Variants in TMEM117 observed in about 807,000 individuals in gnomAD.
The protein encoded by TMEM117 is transmembrane protein 117.
TMEM117 carries 27 observed loss-of-function variants against 52.4 expected under a neutral mutation model. That is an observed-to-expected ratio of 0.51 (90% CI 0.38 to 0.71). TMEM117 has a LOEUF of 0.71. TMEM117 is among the 30% of genes least tolerant of loss of function. The pLI, the probability that TMEM117 is intolerant of heterozygous loss-of-function variation, is 0.00. For synonymous variants in TMEM117, 215 were observed against 206.3 expected (o/e 1.04, Z -0.36); for missense variants, 556 against 630.5 (o/e 0.88, Z 1.26).
At chr12:43,878,049 T>A (rs1359785206) in intron 2 of TMEM117, among the ~76,000 whole-genome samples, 3 of 105,822 alleles carry the variant, frequency 2.8e-5, no homozygotes, top group African/African-American at 8.1e-5. Flanking sequence ...TAGGATTGTT[T>A]CACGTTTTAC....
upstream of TMEM117, among the ~76,000 whole-genome samples, chr12:43,831,550 T>C (rs1942982592): frequency 6.6e-6 from 1 of 151,730 alleles, no homozygotes; most frequent in African/African-American, 2.4e-5. Flanking sequence ...CTTCTGATTT[T>C]TTTTTTTTTT....
chr12:44,255,363 CA>C (rs1403780624), intron 5 of TMEM117, among the ~76,000 whole-genome samples: 1 of 151,736 alleles, frequency 6.6e-6, no homozygotes, highest in African/African-American at 2.4e-5. Context: ...TTTATGCAGC[CA>C]AAAAACACAT....
intron 4 of TMEM117, among the ~76,000 whole-genome samples, chr12:44,146,994 C>T (rs769581367): frequency 6.6e-6 from 1 of 152,174 alleles, no homozygotes; most frequent in Non-Finnish European, 1.5e-5. Context: ...TACAGAGCTT[C>T]AAGCTCTGCT....
chr12:44,283,231 G>A (rs892655144), intron 5 of TMEM117, among the ~76,000 whole-genome samples: 1 of 152,182 alleles, frequency 6.6e-6, no homozygotes, highest in Non-Finnish European at 1.5e-5. Context: ...CCCTACTGGG[G>A]CACTGCCTTG....
At chr12:44,243,117 G>C (rs1013665759) in intron 5 of TMEM117, among the ~76,000 whole-genome samples, 2 of 151,842 alleles carry the variant, frequency 1.3e-5, no homozygotes, top group Non-Finnish European at 2.9e-5. Flanking sequence ...TTTTTCTCTT[G>C]TAAATTTGTT....
intron 5 of TMEM117, among the ~76,000 whole-genome samples, chr12:44,274,800 A>T (rs1357601865): frequency 6.6e-6 from 1 of 152,140 alleles, no homozygotes; most frequent in Non-Finnish European, 1.5e-5. Context: ...TTAAAATCAT[A>T]TCAAAATGGA....
rs1414454568 is a variant in TMEM117 at position 44,111,745 on chromosome 12, C to G, written c.411-31780C>G. Among the ~76,000 whole-genome samples, 6 of 142,682 alleles carry G rather than the reference C, an allele frequency of 4.2e-5. 1 individual carries two copies. The highest frequency in any genetic ancestry group is 3.4e-4 in the Admixed American group (5 of 14,812). The allele number at this position is 142,682 out of a possible 152,430, so 93.6% of individuals were successfully genotyped here. A position where few individuals can be genotyped will look rare whatever the true frequency, so the allele number is the denominator to read the frequency against. ...GGTCCGCTTGGTGCAGAGCTGAGTT[C>G]AATTCCTGGGTATCCTTGTTGACTT... On this transcript the variant is annotated intron_variant, in intron 3 of 7. Coordinates refer to ENST00000266534, the MANE Select transcript of TMEM117 (RefSeq NM_032256.3).
chr12:44,071,640 T>C (rs1165998056), intron 3 of TMEM117, among the ~76,000 whole-genome samples: 1 of 152,196 alleles, frequency 6.6e-6, no homozygotes, highest in East Asian at 1.9e-4. Flanking sequence ...TCTGCTTATG[T>C]AGCTGCTAAC....
At chr12:44,324,136 A>C (rs901709996) in intron 6 of TMEM117, among the ~76,000 whole-genome samples, 1 of 152,058 alleles carries the variant, frequency 6.6e-6, no homozygotes, top group Admixed American at 6.6e-5. Flanking sequence ...TAAAATCAGA[A>C]AGCTTTTGCA....
At chr12:44,164,242 A>C (rs1384650284) in intron 4 of TMEM117, among the ~76,000 whole-genome samples, 2 of 152,074 alleles carry the variant, frequency 1.3e-5, no homozygotes. Context: ...TTTTTGGGGT[A>C]AAGTGGTTTT....
intron 3 of TMEM117, among the ~76,000 whole-genome samples, chr12:44,129,258 C>T (rs1183807736): frequency 1.3e-5 from 2 of 152,168 alleles, no homozygotes; most frequent in Non-Finnish European, 2.9e-5. Context: ...TAGTGAGCAG[C>T]CCAAGTCAGC....
chr12:43,954,944 A>G (rs1358280213), intron 3 of TMEM117, among the ~76,000 whole-genome samples: 1 of 152,216 alleles, frequency 6.6e-6, no homozygotes. Flanking sequence ...ACCACGATCA[A>G]GTTGGCTTCG....
At chr12:44,277,986 A>G (rs1415025427) in intron 5 of TMEM117, among the ~76,000 whole-genome samples, 1 of 151,120 alleles carries the variant, frequency 6.6e-6, no homozygotes, top group East Asian at 2.0e-4. Context: ...CTGGTCTCGA[A>G]CTCCTGACCT....
chr12:43,984,967 T>G (rs1945823492), intron 3 of TMEM117, among the ~76,000 whole-genome samples: 1 of 152,128 alleles, frequency 6.6e-6, no homozygotes, highest in Non-Finnish European at 1.5e-5. Context: ...TGAAATAAGT[T>G]CCTGTGTGAT....
intron 3 of TMEM117, among the ~76,000 whole-genome samples, chr12:44,039,987 T>C (rs1946772473): frequency 6.6e-6 from 1 of 152,190 alleles, no homozygotes; most frequent in Non-Finnish European, 1.5e-5. Flanking sequence ...ATTTGTTCTT[T>C]GGTTTGGTGA....
the TMEM117 span, among the ~76,000 whole-genome samples, chr12:43,817,058 G>A: frequency 6.6e-6 from 1 of 152,180 alleles, no homozygotes; most frequent in Non-Finnish European, 1.5e-5. Flanking sequence ...GCCTTTGAAA[G>A]GCCCACATTT....
At chr12:43,840,726 A>G (rs61290421) in intron 1 of TMEM117, among the ~76,000 whole-genome samples, 6 of 152,200 alleles carry the variant, frequency 3.9e-5, no homozygotes, top group Non-Finnish European at 7.3e-5. Flanking sequence ...AAACACATAC[A>G]TAGATAATTT....
At chr12:43,971,258 A>C (rs183900962) in intron 3 of TMEM117, among the ~76,000 whole-genome samples, 1 of 152,234 alleles carries the variant, frequency 6.6e-6, no homozygotes, top group Non-Finnish European at 1.5e-5. Flanking sequence ...TCCTAGTTCA[A>C]TATGTTCATG....
chr12:44,305,915 C>A (rs1950897298), intron 6 of TMEM117, among the ~76,000 whole-genome samples: 1 of 152,120 alleles, frequency 6.6e-6, no homozygotes, highest in Non-Finnish European at 1.5e-5. Flanking sequence ...AAATGTGGTA[C>A]CTGAACACCA....
Sources: gnomAD v4.1 joint callset for allele counts (sites outside exome capture counted in the v4.1 genomes callset) on GRCh38, gnomAD v4.1.1 for gene constraint, MANE v1.5 for transcripts, NCBI Gene and HGNC (gene_info 2026-07-23, HGNC 2026-07-21) for gene names.